Variants in NXPH1 observed in about 807,000 individuals in gnomAD.
NXPH1 encodes the protein neurexophilin 1.
In NXPH1, 5 loss-of-function variants were observed where a neutral mutation model predicts 23.7. The observed-to-expected ratio is 0.21, with a 90% CI of 0.11 to 0.44. NXPH1 has a LOEUF of 0.44. NXPH1 is among the 20% of genes least tolerant of loss of function. NXPH1 has a pLI of 0.99. For synonymous variants in NXPH1, 144 were observed against 122.2 expected, an observed-to-expected ratio of 1.18 and a Z score of -1.18; for missense variants, 324 against 321.6, an observed-to-expected ratio of 1.01 and a Z score of -0.06.
intron 2 of NXPH1, among the ~76,000 whole-genome samples, chr7:8,472,791 T>C (rs1216955756): frequency 6.6e-6 from 1 of 152,174 alleles, no homozygotes; most frequent in East Asian, 1.9e-4. Context: ...AGATTCCCAC[T>C]TGTCTAATGA....
chr7:8,571,176 G>A (rs779103383), intron 2 of NXPH1, among the ~76,000 whole-genome samples: 93 of 151,982 alleles, frequency 6.1e-4, no homozygotes, highest in Non-Finnish European at 8.5e-4. Context: ...GCTATAGCAT[G>A]TTGAAATTTG....
chr7:8,576,592 G>A (rs756349555), intron 2 of NXPH1, among the ~76,000 whole-genome samples: 7 of 152,232 alleles, frequency 4.6e-5, no homozygotes, highest in Middle Eastern at 6.8e-3. Flanking sequence ...TCTTTCACAC[G>A]TAGGCTTAGG....
At chr7:8,731,245 A>C (rs1197184847) in intron 2 of NXPH1, among the ~76,000 whole-genome samples, 1 of 151,688 alleles carries the variant, frequency 6.6e-6, no homozygotes, top group African/African-American at 2.4e-5. Context: ...CATTCTTCTA[A>C]ATTTTTTTCG....
At chr7:8,444,628 C>T (rs557308368) in intron 2 of NXPH1, among the ~76,000 whole-genome samples, 82 of 152,330 alleles carry the variant, frequency 5.4e-4, no homozygotes, top group African/African-American at 1.8e-3. Flanking sequence ...TCGCAGTTAC[C>T]TGCAATACCA....
intron 2 of NXPH1, among the ~76,000 whole-genome samples, chr7:8,678,928 ATTTTTTTTTTTTTTTTTTTTT>A (rs540056222): frequency 5.8e-5 from 4 of 68,762 alleles, no homozygotes; most frequent in South Asian, 5.1e-4. Flanking sequence ...GCTTTATCCA[ATTTTTTTTTTTTTTTTTTTTT>A]TTTTTTTTTT....
At chr7:8,662,779 T>A (rs1260637560) in intron 2 of NXPH1, among the ~76,000 whole-genome samples, 2 of 152,092 alleles carry the variant, frequency 1.3e-5, no homozygotes, top group African/African-American at 4.8e-5. Flanking sequence ...AATGTTGCAG[T>A]GATATCAAAA....
chr7:8,502,837 AG>A (rs1363555715), intron 2 of NXPH1, among the ~76,000 whole-genome samples: 1 of 151,800 alleles, frequency 6.6e-6, no homozygotes, highest in Admixed American at 6.6e-5. Context: ...AGCTGTTCAC[AG>A]AGATGGGCTG....
At position 8,505,446 on chromosome 7, in the gene NXPH1, A is replaced by C. The variant is rs186659001; in HGVS notation, c.54+69679A>C. 2.5e-3 allele frequency among the ~76,000 whole-genome samples: 377 copies of C among 152,146 alleles called. 1 individual carries two copies. Among genetic ancestry groups the C allele is most frequent in the Non-Finnish European group, 4.3e-3 (292 of 67,974 alleles). On this transcript the variant is annotated intron_variant, in intron 2 of 2. Transcript: ENST00000405863. ...CATTTGTGAGCAATATACCATGAGA[A>C]TACCTATGCCTAGAAATAAATAATA...
At chr7:8,634,531 A>G (rs1011062148) in intron 2 of NXPH1, among the ~76,000 whole-genome samples, 5 of 152,174 alleles carry the variant, frequency 3.3e-5, no homozygotes, top group African/African-American at 7.2e-5. Context: ...TTGTTTTGCT[A>G]TCATACTCAT....
chr7:8,734,114 C>T (rs1481154681), intron 2 of NXPH1, among the ~76,000 whole-genome samples: 3 of 152,162 alleles, frequency 2.0e-5, no homozygotes, highest in Admixed American at 6.5e-5. Context: ...TTCCCAGCAC[C>T]ATTTATTAAA....
intron 2 of NXPH1, among the ~76,000 whole-genome samples, chr7:8,686,162 C>A (rs1821143162): frequency 6.6e-6 from 1 of 152,160 alleles, no homozygotes; most frequent in Non-Finnish European, 1.5e-5. Flanking sequence ...TATTCTAAAG[C>A]TCTTTGTTAG....
chr7:8,512,333 T>G (rs950604043), intron 2 of NXPH1, among the ~76,000 whole-genome samples: 2 of 152,144 alleles, frequency 1.3e-5, no homozygotes, highest in Non-Finnish European at 2.9e-5. Context: ...ATTCCATCAT[T>G]TGACAAACAT....
chr7:8,540,636 A>G (rs1818100878), intron 2 of NXPH1, among the ~76,000 whole-genome samples: 1 of 151,780 alleles, frequency 6.6e-6, no homozygotes, highest in Non-Finnish European at 1.5e-5. Flanking sequence ...TTTTAAAGAG[A>G]ATTTCCAAGG....
At chr7:8,500,593 T>A (rs1817415018) in intron 2 of NXPH1, among the ~76,000 whole-genome samples, 1 of 152,058 alleles carries the variant, frequency 6.6e-6, no homozygotes, top group South Asian at 2.1e-4. Flanking sequence ...AACACAAGAC[T>A]CTTTTGTGAA....
chr7:8,642,371 CT>C (rs757887653), intron 2 of NXPH1, among the ~76,000 whole-genome samples: 1 of 152,162 alleles, frequency 6.6e-6, no homozygotes, highest in Non-Finnish European at 1.5e-5. Flanking sequence ...TAGGTGGCCT[CT>C]TTTGTTCTCT....
chr7:8,642,389 G>A (rs930069744), intron 2 of NXPH1, among the ~76,000 whole-genome samples: 2 of 152,204 alleles, frequency 1.3e-5, no homozygotes, highest in South Asian at 2.1e-4. Context: ...CTCTCTCAAA[G>A]CTTTTAAGAC....
At chr7:8,670,650 A>C (rs1820854278) in intron 2 of NXPH1, among the ~76,000 whole-genome samples, 1 of 152,216 alleles carries the variant, frequency 6.6e-6, no homozygotes, top group Non-Finnish European at 1.5e-5. Context: ...AGGCTGCCCA[A>C]TATCGTCATT....
At chr7:8,439,944 A>G (rs1422402045) in intron 2 of NXPH1, among the ~76,000 whole-genome samples, 1 of 152,230 alleles carries the variant, frequency 6.6e-6, no homozygotes, top group Non-Finnish European at 1.5e-5. Context: ...AATCAATTTG[A>G]GCTTATTACT....
intron 2 of NXPH1, among the ~76,000 whole-genome samples, chr7:8,455,319 G>C (rs1816576746): frequency 6.6e-6 from 1 of 152,094 alleles, no homozygotes; most frequent in Admixed American, 6.6e-5. Flanking sequence ...CTAATCCTGA[G>C]ACTTTAATCA....
Sources: allele counts gnomAD v4.1 joint callset (sites outside exome capture counted in the v4.1 genomes callset), GRCh38; gene constraint gnomAD v4.1.1; transcripts MANE v1.5; gene names NCBI Gene and HGNC (gene_info 2026-07-23, HGNC 2026-07-21).